Variants in XPR1 observed in about 807,000 individuals in gnomAD.
The protein encoded by XPR1 is xenotropic and polytropic retrovirus receptor 1.
In XPR1, 28 loss-of-function variants were observed where a neutral mutation model predicts 87.5. The observed-to-expected ratio is 0.32, with a 90% CI of 0.24 to 0.44. The LOEUF (loss-of-function observed/expected upper bound fraction) is 0.44, where lower values mean the gene tolerates loss of function less well. Ranked by LOEUF, XPR1 falls within the 20% of genes least tolerant of loss-of-function variation. XPR1 has a pLI of 1.00. For synonymous variants in XPR1, 300 were observed against 306.1 expected, an observed-to-expected ratio of 0.98 and a Z score of 0.21; for missense variants, 559 against 862.3, an observed-to-expected ratio of 0.65 and a Z score of 4.41.
intron 2 of XPR1, among the ~76,000 whole-genome samples, chr1:180,764,336 A>G (rs906218438): frequency 6.6e-6 from 1 of 152,144 alleles, no homozygotes; most frequent in Non-Finnish European, 1.5e-5. Flanking sequence ...ACCTCATTAT[A>G]TATATGCAAA....
chr1:180,785,948 A>T (rs12066418), intron 2 of XPR1, among the ~76,000 whole-genome samples: 6,518 of 151,582 alleles, frequency 0.043, 504 homozygotes, highest in African/African-American at 0.15. Context: ...CAGCTTTAAA[A>T]AAAAAAAAAA....
intron 2 of XPR1, among the ~76,000 whole-genome samples, chr1:180,735,015 C>T (rs1399712205): frequency 6.6e-6 from 1 of 152,168 alleles, no homozygotes; most frequent in Non-Finnish European, 1.5e-5. Context: ...AGTGAGGAAT[C>T]ACAGAAATAA....
chr1:180,726,998 C>T (rs1658376817), intron 2 of XPR1, among the ~76,000 whole-genome samples: 1 of 151,956 alleles, frequency 6.6e-6, no homozygotes, highest in Non-Finnish European at 1.5e-5. Context: ...CCTCAGCCTC[C>T]CGAGTAGCTG....
In XPR1 at chr1:180,784,881, CAGT is replaced by C. The variant is rs374692116; in HGVS notation, c.122-2868_122-2866del. ...TTTACTAAAAGTATACTTTTAATTA[CAGT>C]AGTTTACCAAGTCTTTTGAAATCTG... On this transcript the variant is annotated intron_variant, in intron 2 of 14. Transcript: ENST00000367590. Among the ~76,000 whole-genome samples the C allele has an allele frequency of 1.5e-3, 224 of 151,994 alleles. 1 individual carries two copies. The highest frequency in any genetic ancestry group is 5.1e-3 in the African/African-American group (211 of 41,496).
At chr1:180,853,668 C>CACACACACACACACACACACA (rs1651942684) in intron 11 of XPR1, among the ~76,000 whole-genome samples, 1 of 147,406 alleles carries the variant, frequency 6.8e-6, no homozygotes, top group Non-Finnish European at 1.5e-5. Flanking sequence ...CACACACACA[C>CACACACACACACACACACACA]CCTACCTCTT....
chr1:180,855,244 G>T (rs1357032118), intron 11 of XPR1, among the ~76,000 whole-genome samples: 1 of 152,184 alleles, frequency 6.6e-6, no homozygotes, highest in East Asian at 1.9e-4. Flanking sequence ...GACAGTATAA[G>T]CACAAGCAAA....
intron 2 of XPR1, among the ~76,000 whole-genome samples, chr1:180,750,395 A>G (rs1299372816): frequency 1.3e-5 from 2 of 152,196 alleles, no homozygotes; most frequent in Admixed American, 6.5e-5. Context: ...CTAATCAGGG[A>G]AAAGTAAGCC....
intron 1 of XPR1, among the ~76,000 whole-genome samples, chr1:180,666,421 C>T (rs7512167): frequency 0.012 from 1,751 of 152,260 alleles, 37 homozygotes; most frequent in African/African-American, 0.039. Context: ...TACACATGAA[C>T]GTAGGATGTG....
intron 2 of XPR1, among the ~76,000 whole-genome samples, chr1:180,716,893 C>T (rs1248722238): frequency 1.3e-5 from 2 of 152,178 alleles, no homozygotes; most frequent in African/African-American, 4.8e-5. Context: ...GGAAGTGAAC[C>T]CTCCTTAAAT....
At chr1:180,695,469 G>T (rs1015447887) in intron 2 of XPR1, among the ~76,000 whole-genome samples, 9 of 151,216 alleles carry the variant, frequency 6.0e-5, no homozygotes, top group Non-Finnish European at 1.2e-4. Context: ...CGCTTTTGTT[G>T]CCTGCGCTTT....
chr1:180,690,573 T>G (rs566626308), intron 2 of XPR1, among the ~76,000 whole-genome samples: 8 of 152,078 alleles, frequency 5.3e-5, no homozygotes, highest in Non-Finnish European at 1.2e-4. Flanking sequence ...CTAGGCTCCT[T>G]TCTTTACCTA....
intron 2 of XPR1, among the ~76,000 whole-genome samples, chr1:180,772,694 A>T (rs892150508): frequency 2.0e-5 from 3 of 152,166 alleles, no homozygotes; most frequent in African/African-American, 7.2e-5. Flanking sequence ...GTTTTAAAAA[A>T]CAGAGTTTTT....
intron 2 of XPR1, among the ~76,000 whole-genome samples, chr1:180,710,296 A>G (rs1033285585): frequency 4.0e-5 from 6 of 151,722 alleles, no homozygotes; most frequent in Non-Finnish European, 8.8e-5. Context: ...GAAGGTCAGC[A>G]GATAAACAAG....
intron 9 of XPR1, among the ~76,000 whole-genome samples, chr1:180,831,363 T>TTTTC (rs1651056786): frequency 1.1e-5 from 1 of 93,518 alleles, no homozygotes; most frequent in Admixed American, 1.2e-4. Flanking sequence ...TTTCTTTTTC[T>TTTTC]TTTTTTTTTT....
intron 3 of XPR1, 93 bp from the exon 4 acceptor site, chr1:180,803,295 T>G (rs1422415020): frequency 6.7e-6 from 8 of 1,198,108 alleles, no homozygotes; most frequent in Non-Finnish European, 8.0e-6. Context: ...TTCTAGAAAT[T>G]CTAAGGGAGC....
At chr1:180,637,525 C>G (rs548807158) in intron 1 of XPR1, among the ~76,000 whole-genome samples, 38 of 152,196 alleles carry the variant, frequency 2.5e-4, no homozygotes, top group South Asian at 2.1e-3. Flanking sequence ...ACAAGAAGTT[C>G]GCCAAAAATT....
intron 1 of XPR1, among the ~76,000 whole-genome samples, chr1:180,671,685 C>G (rs2101931449): frequency 6.6e-6 from 1 of 152,110 alleles, no homozygotes; most frequent in Middle Eastern, 3.4e-3. Flanking sequence ...CAGCTAATTT[C>G]TGTATTTTTA....
intron 3 of XPR1, among the ~76,000 whole-genome samples, chr1:180,794,555 G>A (rs554521830): frequency 2.6e-5 from 4 of 152,318 alleles, no homozygotes; most frequent in African/African-American, 4.8e-5. Flanking sequence ...TTACAGTTAT[G>A]CAAAGTACTG....
At chr1:180,694,289 AT>A (rs1657091652) in intron 2 of XPR1, among the ~76,000 whole-genome samples, 1 of 152,176 alleles carries the variant, frequency 6.6e-6, no homozygotes, top group Non-Finnish European at 1.5e-5. Flanking sequence ...ATTTAAAAAA[AT>A]ATTATAATGT....
Sources: gnomAD v4.1 joint callset for allele counts (sites outside exome capture counted in the v4.1 genomes callset) on GRCh38, gnomAD v4.1.1 for gene constraint, MANE v1.5 for transcripts, NCBI Gene and HGNC (gene_info 2026-07-23, HGNC 2026-07-21) for gene names.